The following RPS6KC1 variants were observed in gnomAD, a reference collection of about 807,000 sequenced individuals.
RPS6KC1 encodes ribosomal protein S6 kinase C1.
A neutral mutation model predicts 103.8 loss-of-function variants in RPS6KC1; 54 were observed. The ratio of observed to expected loss-of-function variants is 0.52; its 90% CI spans 0.42 to 0.65. The LOEUF is 0.65. Among genes scored for constraint, RPS6KC1 ranks in the 30% least tolerant of loss-of-function variants. RPS6KC1 has a pLI of 0.00. For missense variants in RPS6KC1, 1,151 were observed against 1,253.8 expected (o/e 0.92, Z 1.24); for synonymous variants, 439 against 438.7 (o/e 1.00, Z -0.01).
chr1:213,151,283 G>T (rs1259041185), intron 6 of RPS6KC1, among the ~76,000 whole-genome samples: 14 of 123,508 alleles, frequency 1.1e-4, no homozygotes, highest in African/African-American at 4.2e-4. Context: ...TCACTTCCCA[G>T]TAGGGGCGGC....
chr1:213,440,613 A>G, the RPS6KC1 span, among the ~76,000 whole-genome samples: 1 of 151,500 alleles, frequency 6.6e-6, no homozygotes, highest in Non-Finnish European at 1.5e-5. Context: ...AAAAAAAAAA[A>G]AAGAACTCTA....
chr1:213,378,630 A>ATC, the RPS6KC1 span, among the ~76,000 whole-genome samples: 43 of 152,364 alleles, frequency 2.8e-4, 1 homozygote, highest in East Asian at 7.1e-3. Context: ...TTTATTTAAT[A>ATC]AATAAATGAT....
the RPS6KC1 span, among the ~76,000 whole-genome samples, chr1:213,317,665 A>G: frequency 6.6e-6 from 1 of 152,246 alleles, no homozygotes; most frequent in African/African-American, 2.4e-5. Context: ...AAATAAGTTC[A>G]GTTCTTTTTA....
At chr1:213,227,442 A>G (rs1457645741) in intron 8 of RPS6KC1, among the ~76,000 whole-genome samples, 4 of 152,240 alleles carry the variant, frequency 2.6e-5, no homozygotes, top group African/African-American at 9.6e-5. Flanking sequence ...GCAGCCTATA[A>G]CAACTAAATT....
chr1:213,082,242 A>G (rs1226916971), intron 3 of RPS6KC1, among the ~76,000 whole-genome samples: 8 of 151,868 alleles, frequency 5.3e-5, no homozygotes, highest in Non-Finnish European at 7.4e-5. Context: ...AACACATTGA[A>G]ACCCCGTCTC....
the RPS6KC1 span, among the ~76,000 whole-genome samples, chr1:213,771,813 A>G: frequency 3.3e-5 from 5 of 152,228 alleles, no homozygotes; most frequent in Admixed American, 6.5e-5. Context: ...AACACTTAGC[A>G]ATGATAAGCA....
the RPS6KC1 span, among the ~76,000 whole-genome samples, chr1:213,547,124 T>C: frequency 6.6e-6 from 1 of 152,232 alleles, no homozygotes; most frequent in South Asian, 2.1e-4. Context: ...GGAGGAAGAC[T>C]GCAGGGGTGA....
At chr1:213,731,997 G>A in the RPS6KC1 span, among the ~76,000 whole-genome samples, 3 of 152,034 alleles carry the variant, frequency 2.0e-5, no homozygotes, top group African/African-American at 7.2e-5. Flanking sequence ...GCCTAAGAAA[G>A]TTTGTAACAA....
chr1:213,054,877 A>G (rs1177306814), intron 1 of RPS6KC1, among the ~76,000 whole-genome samples: 1 of 152,190 alleles, frequency 6.6e-6, no homozygotes, highest in Non-Finnish European at 1.5e-5. Context: ...TCTTTAGTTG[A>G]AGGAGACACA....
the RPS6KC1 span, among the ~76,000 whole-genome samples, chr1:213,373,988 G>C: frequency 6.6e-6 from 1 of 152,156 alleles, no homozygotes; most frequent in Non-Finnish European, 1.5e-5. Flanking sequence ...GTAATCTGTA[G>C]TATTCCTGAC....
At chr1:213,096,329 A>G (rs2081448683) in intron 3 of RPS6KC1, among the ~76,000 whole-genome samples, 1 of 152,096 alleles carries the variant, frequency 6.6e-6, no homozygotes, top group Admixed American at 6.5e-5. Flanking sequence ...ATCTGCAGTT[A>G]CTTCCTCCAC....
the RPS6KC1 span, among the ~76,000 whole-genome samples, chr1:213,663,810 G>T: frequency 1.3e-5 from 2 of 152,138 alleles, no homozygotes; most frequent in African/African-American, 2.4e-5. Context: ...CCACCAGACA[G>T]AAGCCATTCC....
chr1:213,423,418 A>C, the RPS6KC1 span, among the ~76,000 whole-genome samples: 8 of 152,268 alleles, frequency 5.3e-5, no homozygotes, highest in South Asian at 1.7e-3. Context: ...AAGAAACTCA[A>C]GTCCCAGAGG....
At chr1:213,742,948 G>T in the RPS6KC1 span, among the ~76,000 whole-genome samples, 1 of 152,228 alleles carries the variant, frequency 6.6e-6, no homozygotes, top group Non-Finnish European at 1.5e-5. Flanking sequence ...GGAATATAAA[G>T]TAGTTCAGCC....
At chr1:213,201,293 A>G (rs750282972) in intron 8 of RPS6KC1, among the ~76,000 whole-genome samples, 3 of 152,244 alleles carry the variant, frequency 2.0e-5, no homozygotes, top group African/African-American at 7.2e-5. Flanking sequence ...AGAAATACCT[A>G]TCAAGCCTTA....
the RPS6KC1 span, among the ~76,000 whole-genome samples, chr1:213,390,267 T>C: frequency 1.3e-5 from 2 of 152,236 alleles, no homozygotes; most frequent in Admixed American, 6.5e-5. Context: ...GGCGAGGGTT[T>C]TTTCTTTTAC....
At chr1:213,555,848 C>A in the RPS6KC1 span, among the ~76,000 whole-genome samples, 1 of 152,338 alleles carries the variant, frequency 6.6e-6, no homozygotes, top group South Asian at 2.1e-4. Context: ...ACTTCTAACC[C>A]TTTTCCTGGC....
At chr1:213,661,695 C>T in the RPS6KC1 span, among the ~76,000 whole-genome samples, 1 of 152,176 alleles carries the variant, frequency 6.6e-6, no homozygotes, top group East Asian at 1.9e-4. Flanking sequence ...ATAAAGAAGA[C>T]ACATCAGCCA....
chr1:213,306,059 G>GCT, the RPS6KC1 span, among the ~76,000 whole-genome samples: 1 of 152,172 alleles, frequency 6.6e-6, no homozygotes, highest in African/African-American at 2.4e-5. Context: ...CATTCAGGCA[G>GCT]CTCTCCTTCA....
Sources: gnomAD v4.1 joint callset for allele counts (sites outside exome capture counted in the v4.1 genomes callset) on GRCh38, gnomAD v4.1.1 for gene constraint, MANE v1.5 for transcripts, NCBI Gene and HGNC (gene_info 2026-07-23, HGNC 2026-07-21) for gene names.